The following RNF144A variants were observed in gnomAD, a reference collection of about 807,000 sequenced individuals.
The protein encoded by RNF144A is ring finger protein 144A.
Under a neutral mutation model 38.7 loss-of-function variants are expected in RNF144A, and 11 were observed. The ratio of observed to expected loss-of-function variants is 0.28; its 90% CI spans 0.18 to 0.47. The LOEUF (loss-of-function observed/expected upper bound fraction) is 0.47, where lower values mean the gene tolerates loss of function less well. Among genes scored for constraint, RNF144A ranks in the 20% least tolerant of loss-of-function variants. The pLI is 0.99. For synonymous variants in RNF144A, 149 were observed against 143.9 expected (o/e 1.04, Z -0.25); for missense variants, 316 against 377.2 (o/e 0.84, Z 1.34).
At chr2:6,996,289 C>G (rs1429759587) in intron 2 of RNF144A, among the ~76,000 whole-genome samples, 1 of 152,196 alleles carries the variant, frequency 6.6e-6, no homozygotes, top group Non-Finnish European at 1.5e-5. Flanking sequence ...TGTATTTTAG[C>G]AAAAGCTTCT....
At position 7,043,276 on chromosome 2, in the gene RNF144A, T is replaced by G; in HGVS notation, c.*3516T>G. The stretch of plus-strand genomic sequence containing the variant: ...AACACAGGACCTGTGGGAGGGACTA[T>G]CAGAGATGCAAAAATTACTTCAAGA... On this transcript the variant is annotated 3_prime_UTR_variant, in exon 9 of 9. Transcript: ENST00000320892. 1.0e-6 allele frequency: 1 copy of G among 985,262 alleles called. No homozygotes were observed. Among genetic ancestry groups the G allele is most frequent in the Non-Finnish European group, 1.2e-6 (1 of 829,754 alleles). 61.0% of individuals were successfully genotyped at this position (985,262 alleles called of 1,614,324 possible). A position where few individuals can be genotyped will look rare whatever the true frequency, so the allele number is the denominator to read the frequency against.
At chr2:6,976,769 C>T (rs913737071) in intron 2 of RNF144A, among the ~76,000 whole-genome samples, 23 of 151,664 alleles carry the variant, frequency 1.5e-4, no homozygotes, top group Admixed American at 3.3e-4. Flanking sequence ...TTTCCTTTGT[C>T]TGTTGTACCA....
At chr2:7,047,502 C>A (rs114711661), downstream of RNF144A, among the ~76,000 whole-genome samples, 3,183 of 152,288 alleles carry the variant, frequency 0.021, 50 homozygotes, top group Non-Finnish European at 0.033. Flanking sequence ...CATCACATCT[C>A]GTGAGACTTC....
At chr2:6,942,181 A>G (rs1666036061) in intron 2 of RNF144A, among the ~76,000 whole-genome samples, 1 of 151,922 alleles carries the variant, frequency 6.6e-6, no homozygotes, top group South Asian at 2.1e-4. Context: ...AGAGTGAAGG[A>G]TAAGGGTAGA....
chr2:7,021,926 T>C (rs909275767), intron 6 of RNF144A, among the ~76,000 whole-genome samples: 1 of 152,278 alleles, frequency 6.6e-6, no homozygotes, highest in Non-Finnish European at 1.5e-5. Flanking sequence ...TAGTCTCATT[T>C]AAATTATTGT....
At chr2:6,971,858 G>T (rs1668017561) in intron 2 of RNF144A, among the ~76,000 whole-genome samples, 1 of 152,176 alleles carries the variant, frequency 6.6e-6, no homozygotes, top group African/African-American at 2.4e-5. Flanking sequence ...TCTACTGTGG[G>T]ATAAGATAGT....
intron 3 of RNF144A, among the ~76,000 whole-genome samples, chr2:6,999,097 C>G (rs1052921518): frequency 6.6e-6 from 1 of 152,198 alleles, no homozygotes; most frequent in African/African-American, 2.4e-5. Flanking sequence ...GACCAAAAGC[C>G]TAACCAAAGT....
In RNF144A at chr2:6,990,411, CACACACACACACACACACACACACAG is replaced by C. The variant is rs1458741802; in HGVS notation, c.-11-6503_-11-6478del. Reference sequence around the variant, plus strand: ...ACACACACACACACACACACACACACACACACACACACACACACACACACAGAGCTATATATATATATAATATATAA... The same window carrying C: ...ACACACACACACACACACACACACACAGCTATATATATATATAATATATAA... On this transcript the variant is annotated intron_variant, in intron 2 of 8. Transcript: ENST00000320892. Among the ~76,000 whole-genome samples the C allele has an allele frequency of 3.5e-3, 484 of 139,790 alleles. 4 individuals are homozygous for C. Among genetic ancestry groups the C allele is most frequent in the African/African-American group, 0.013 (467 of 37,020 alleles). The allele number at this position is 139,790 out of a possible 152,430, so 91.7% of individuals were successfully genotyped here. A position where few individuals can be genotyped will look rare whatever the true frequency, so the allele number is the denominator to read the frequency against.
intron 2 of RNF144A, among the ~76,000 whole-genome samples, chr2:6,952,716 A>G (rs1666764037): frequency 6.6e-6 from 1 of 151,896 alleles, no homozygotes; most frequent in South Asian, 2.1e-4. Flanking sequence ...ATATACATAT[A>G]CACACACATA....
intron 2 of RNF144A, among the ~76,000 whole-genome samples, chr2:6,984,238 T>A (rs1348518130): frequency 6.6e-6 from 1 of 152,212 alleles, no homozygotes; most frequent in East Asian, 1.9e-4. Flanking sequence ...AATATCTGCC[T>A]ATTCTGTTCA....
chr2:6,938,670 T>A (rs1179159237), intron 1 of RNF144A, among the ~76,000 whole-genome samples: 2 of 152,198 alleles, frequency 1.3e-5, no homozygotes, highest in Non-Finnish European at 2.9e-5. Context: ...CCAACATCAT[T>A]ATCTAATTCC....
At chr2:6,992,466 T>C (rs956761098) in intron 2 of RNF144A, among the ~76,000 whole-genome samples, 1 of 152,068 alleles carries the variant, frequency 6.6e-6, no homozygotes, top group African/African-American at 2.4e-5. Flanking sequence ...GCACCAGGAC[T>C]GATGCTGGGT....
At position 6,981,266 on chromosome 2, in the gene RNF144A, C is replaced by T. The variant is rs377306667; in HGVS notation, c.-11-15650C>T. ...TTTCTGCAGCGGGCTTGAATTTCTC[C>T]CCAGAAAATGGGTTTTTTCTTTTTT... is the stretch of plus-strand genomic sequence containing the variant. On this transcript the variant is annotated intron_variant, in intron 2 of 8. Coordinates refer to ENST00000320892, the MANE Select transcript of RNF144A (RefSeq NM_014746.6). Among the ~76,000 whole-genome samples, 78 of 152,290 alleles carry T rather than the reference C, an allele frequency of 5.1e-4. No individual in the cohort carries two copies. The Middle Eastern group carries it at 0.014, about 27-fold the overall frequency.
In RNF144A at chr2:6,962,724, A is replaced by G. The variant is rs1667421943; in HGVS notation, c.-12+21577A>G. 6.6e-6 allele frequency among the ~76,000 whole-genome samples: 1 copy of G among 152,166 alleles called. No individual in the cohort carries two copies. On this transcript the variant is annotated intron_variant, in intron 2 of 8. Coordinates refer to ENST00000320892, the MANE Select transcript of RNF144A (RefSeq NM_014746.6). The surrounding 1 kb of genome is among the most constrained non-coding windows in gnomAD (Gnocchi z 4.1). ...TTCTATTTTGCTTGGATATTTATGC[A>G]CTTGTCTTATTTTATTCATCACAGC...
At chr2:6,989,969 C>T (rs1017055921) in intron 2 of RNF144A, among the ~76,000 whole-genome samples, 12 of 152,164 alleles carry the variant, frequency 7.9e-5, no homozygotes, top group East Asian at 5.8e-4. Context: ...CCCATCCACA[C>T]GTACACACAA....
rs1451059499 is a variant in RNF144A at position 6,943,613 on chromosome 2, T to G, written c.-12+2466T>G. On this transcript the variant is annotated intron_variant, in intron 2 of 8. Coordinates refer to ENST00000320892, the MANE Select transcript of RNF144A (RefSeq NM_014746.6). The surrounding 1 kb of genome is among the most constrained non-coding windows in gnomAD (Gnocchi z 4.3). ...GGGATGGAGGGCTGCTGAAAACACT[T>G]CTTGAGTAGGAGAGAGAGATGGGTT... Among the ~76,000 whole-genome samples, 1 of 152,090 alleles carries G rather than the reference T, an allele frequency of 6.6e-6. No individual in the cohort carries two copies. Among genetic ancestry groups the G allele is most frequent in the Non-Finnish European group, 1.5e-5 (1 of 68,010 alleles).
intron 6 of RNF144A, among the ~76,000 whole-genome samples, chr2:7,021,063 C>T (rs139266317): frequency 1.3e-5 from 2 of 152,258 alleles, no homozygotes; most frequent in Admixed American, 6.5e-5. Flanking sequence ...GAAACAAGAA[C>T]AGGAGTAGGG....
chr2:6,921,953 G>A (rs771278), intron 1 of RNF144A, among the ~76,000 whole-genome samples: 122,501 of 152,152 alleles, frequency 0.81, 50,782 homozygotes, highest in Non-Finnish European at 0.92. Context: ...CCTTTTTAGG[G>A]TGGCTGGTGG....
At chr2:6,956,333 CGTGTACCTGAAAT>C (rs1666998499) in intron 2 of RNF144A, among the ~76,000 whole-genome samples, 1 of 152,092 alleles carries the variant, frequency 6.6e-6, no homozygotes, top group Non-Finnish European at 1.5e-5. Flanking sequence ...GTACCCATGG[CGTGTACCTGAAAT>C]GGTTGTGAAG....
Sources: gnomAD v4.1 joint callset for allele counts (sites outside exome capture counted in the v4.1 genomes callset) on GRCh38, gnomAD v4.1.1 for gene constraint, Gnocchi (gnomAD v3.1) non-coding constraint, MANE v1.5 for transcripts, NCBI Gene and HGNC (gene_info 2026-07-23, HGNC 2026-07-21) for gene names.